ZNF532: variants seen among roughly 807,000 people sequenced by gnomAD.
ZNF532 encodes zinc finger protein 532.
ZNF532 carries 22 observed loss-of-function variants against 89.3 expected under a neutral mutation model. The observed-to-expected ratio is 0.25, with a 90% confidence interval of 0.18 to 0.35. The LOEUF (loss-of-function observed/expected upper bound fraction) is 0.35. ZNF532 is among the 10% of genes least tolerant of loss of function. ZNF532 has a pLI of 1.00. For missense variants in ZNF532, 1,132 were observed against 1,643.4 expected (o/e 0.69, Z 5.38); for synonymous variants, 606 against 649.6 (o/e 0.93, Z 1.02).
intron 5 of ZNF532, among the ~76,000 whole-genome samples, chr18:58,941,461 T>C (rs1333038057): frequency 2.4e-5 from 3 of 127,566 alleles, no homozygotes; most frequent in Admixed American, 1.7e-4. Context: ...TTCTTTTCTC[T>C]CTCTCTCTTT....
intron 2 of ZNF532, among the ~76,000 whole-genome samples, chr18:58,893,029 T>C (rs1488756665): frequency 6.7e-6 from 1 of 150,100 alleles, no homozygotes; most frequent in Non-Finnish European, 1.5e-5. Context: ...TCACCCAGGC[T>C]GGAGTGCAAT....
At chr18:58,874,663 G>C (rs1413712084) in intron 2 of ZNF532, among the ~76,000 whole-genome samples, 2 of 152,152 alleles carry the variant, frequency 1.3e-5, no homozygotes. Flanking sequence ...TTGTAATCTA[G>C]TACTTGAACA....
intron 9 of ZNF532, 151 bp from the exon 10 acceptor site, chr18:58,983,821 G>A (rs1380544419): frequency 1.1e-6 from 1 of 892,960 alleles, no homozygotes; most frequent in East Asian, 2.6e-5. Flanking sequence ...TGGGCCTCCG[G>A]GTGGGGTGGC....
intron 5 of ZNF532, among the ~76,000 whole-genome samples, chr18:58,947,186 A>G (rs1173347201): frequency 6.6e-6 from 1 of 152,156 alleles, no homozygotes; most frequent in Non-Finnish European, 1.5e-5. Context: ...CAGAGCAGTG[A>G]CTAAAAAATG....
intron 2 of ZNF532, among the ~76,000 whole-genome samples, chr18:58,880,444 G>C (rs1316755473): frequency 6.6e-6 from 1 of 152,126 alleles, no homozygotes; most frequent in East Asian, 1.9e-4. Context: ...ATTTGTACCC[G>C]GATCTTTCTC....
chr18:58,949,611 G>C (rs1297319508), intron 6 of ZNF532, among the ~76,000 whole-genome samples: 9 of 152,354 alleles, frequency 5.9e-5, no homozygotes. Context: ...AGGAGGCAGA[G>C]ATCTCAGTGA....
intron 3 of ZNF532, among the ~76,000 whole-genome samples, chr18:58,932,009 A>T (rs1355646326): frequency 6.6e-6 from 1 of 152,192 alleles, no homozygotes; most frequent in Non-Finnish European, 1.5e-5. Flanking sequence ...GTGAATAAAG[A>T]TAGAAATGTG....
intron 2 of ZNF532, among the ~76,000 whole-genome samples, chr18:58,915,029 T>C (rs2060507274): frequency 6.6e-6 from 1 of 152,174 alleles, no homozygotes; most frequent in African/African-American, 2.4e-5. Flanking sequence ...CCCCTCCAAG[T>C]GGAATGGAAC....
intron 3 of ZNF532, among the ~76,000 whole-genome samples, chr18:58,928,192 C>G (rs1848973025): frequency 6.6e-6 from 1 of 152,150 alleles, no homozygotes; most frequent in South Asian, 2.1e-4. Flanking sequence ...CCTGTGAGCA[C>G]CAGCTGGGGC....
At chr18:58,879,638 C>T (rs2057727173) in intron 2 of ZNF532, among the ~76,000 whole-genome samples, 2 of 152,162 alleles carry the variant, frequency 1.3e-5, no homozygotes, top group South Asian at 2.1e-4. Context: ...AGCCACCTGC[C>T]CCAGCCTCCC....
rs1436378217 is a variant in ZNF532 at position 58,907,342 on chromosome 18, C to T, written c.-17-10929C>T. ...CTGGGATTACAGACGCGTGCCACCA[C>T]GCCTGGCTAATTTTTGTATTTTTAG... On this transcript the variant is annotated intron_variant, in intron 2 of 9. Coordinates refer to ENST00000591808, the MANE Select transcript of ZNF532 (RefSeq NM_001375912.1). Among the ~76,000 whole-genome samples, 3 of 152,124 alleles carry T rather than the reference C, an allele frequency of 2.0e-5. No individual in the cohort carries two copies. In the East Asian group the frequency reaches 5.8e-4, roughly 29 times the overall value.
intron 2 of ZNF532, among the ~76,000 whole-genome samples, chr18:58,907,664 A>C (rs2060019396): frequency 6.6e-6 from 1 of 152,032 alleles, no homozygotes. Context: ...TCAGGAGAGG[A>C]TGGTCAGGTA....
At chr18:58,932,500 G>C (rs921269874) in intron 3 of ZNF532, 1 of 152,194 alleles carries the variant, frequency 6.6e-6, no homozygotes, top group Non-Finnish European at 1.5e-5. Context: ...CCTCTACTCT[G>C]ACATGCCGTG....
At chr18:58,957,926 A>G (rs1324508336) in intron 7 of ZNF532, among the ~76,000 whole-genome samples, 1 of 152,118 alleles carries the variant, frequency 6.6e-6, no homozygotes, top group Non-Finnish European at 1.5e-5. Context: ...TGAGCTGGGC[A>G]TAGTGGCAGG....
intron 9 of ZNF532, among the ~76,000 whole-genome samples, chr18:58,983,331 G>A (rs1390112764): frequency 6.6e-6 from 1 of 152,066 alleles, no homozygotes; most frequent in Non-Finnish European, 1.5e-5. Context: ...AGCTTCCAGA[G>A]GCTCTCAGTC....
At chr18:58,892,482 A>G (rs2058968789) in intron 2 of ZNF532, among the ~76,000 whole-genome samples, 1 of 152,240 alleles carries the variant, frequency 6.6e-6, no homozygotes, top group Non-Finnish European at 1.5e-5. Context: ...AGAAATCTGT[A>G]TCCCAAATGT....
At chr18:58,970,411 GACA>G (rs2066358904) in intron 7 of ZNF532, among the ~76,000 whole-genome samples, 1 of 152,198 alleles carries the variant, frequency 6.6e-6, no homozygotes, top group African/African-American at 2.4e-5. Flanking sequence ...TCTGTAGATG[GACA>G]TCTTGGGAAC....
intron 2 of ZNF532, among the ~76,000 whole-genome samples, chr18:58,905,654 G>C (rs12454697): frequency 0.24 from 36,276 of 152,054 alleles, 5,217 homozygotes; most frequent in Middle Eastern, 0.43. Flanking sequence ...AACATGCTGG[G>C]ATTATAGGTG....
At chr18:58,942,765 A>G (rs1027009785) in intron 5 of ZNF532, among the ~76,000 whole-genome samples, 4 of 152,244 alleles carry the variant, frequency 2.6e-5, no homozygotes, top group African/African-American at 4.8e-5. Flanking sequence ...TTCTGTTTAC[A>G]TAAGTCCAAA....
Sources: allele counts gnomAD v4.1 joint callset (sites outside exome capture counted in the v4.1 genomes callset), GRCh38; gene constraint gnomAD v4.1.1; transcripts MANE v1.5; gene names NCBI Gene and HGNC (gene_info 2026-07-23, HGNC 2026-07-21).